The following DLG2 variants were observed in gnomAD, a reference collection of about 807,000 sequenced individuals.
DLG2 encodes discs large MAGUK scaffold protein 2, also known as disks large homolog 2.
DLG2 carries 45 observed loss-of-function variants against 132.5 expected under a neutral mutation model. The observed-to-expected ratio is 0.34, with a 90% CI of 0.27 to 0.44. The LOEUF (loss-of-function observed/expected upper bound fraction) is 0.44. DLG2 is among the 20% of genes least tolerant of loss of function. DLG2 has a pLI of 1.00. For synonymous variants in DLG2, 424 were observed against 419.6 expected, an observed-to-expected ratio of 1.01 and a Z score of -0.13; for missense variants, 1,045 against 1,196.9, an observed-to-expected ratio of 0.87 and a Z score of 1.87.
chr11:84,495,457 T>A (rs2099179436), intron 7 of DLG2, among the ~76,000 whole-genome samples: 1 of 152,122 alleles, frequency 6.6e-6, no homozygotes, highest in South Asian at 2.1e-4. Context: ...ACCTTCAAAT[T>A]TATAACATTT....
chr11:83,697,157 G>T (rs1216421218), intron 18 of DLG2, among the ~76,000 whole-genome samples: 1 of 152,138 alleles, frequency 6.6e-6, no homozygotes, highest in East Asian at 1.9e-4. Context: ...TAGAAGTTTG[G>T]TTCTACTTTT....
intron 3 of DLG2, among the ~76,000 whole-genome samples, chr11:85,483,824 A>G (rs1162359093): frequency 6.6e-6 from 1 of 151,394 alleles, no homozygotes; most frequent in Admixed American, 6.6e-5. Context: ...GGCACCTGTA[A>G]TCCCAGCTAC....
At chr11:84,739,766 A>T (rs1283255660) in intron 6 of DLG2, among the ~76,000 whole-genome samples, 1 of 152,204 alleles carries the variant, frequency 6.6e-6, no homozygotes, top group Non-Finnish European at 1.5e-5. Flanking sequence ...TAGCCATTTT[A>T]CATAAAGCAG....
chr11:85,548,654 G>A (rs2076476585), intron 3 of DLG2, among the ~76,000 whole-genome samples: 1 of 152,206 alleles, frequency 6.6e-6, no homozygotes, highest in South Asian at 2.1e-4. Context: ...GTCCCTGACT[G>A]GGGCTGTGCC....
chr11:83,687,511 C>G (rs1372183633), intron 18 of DLG2, among the ~76,000 whole-genome samples: 2 of 152,084 alleles, frequency 1.3e-5, no homozygotes, highest in Non-Finnish European at 2.9e-5. Context: ...CTAAAATGAC[C>G]TTCTTTTATT....
chr11:83,831,532 C>CAGAGAGAGAGAGAGAGAGAGAGAA (rs2054516215), intron 17 of DLG2, among the ~76,000 whole-genome samples: 1 of 146,706 alleles, frequency 6.8e-6, no homozygotes, highest in Non-Finnish European at 1.5e-5. Context: ...GTGTGTATGT[C>CAGAGAGAGAGAGAGAGAGAGAGAA]AGAGAGAGAG....
chr11:84,528,897 G>A (rs544736621), intron 7 of DLG2, among the ~76,000 whole-genome samples: 1 of 152,282 alleles, frequency 6.6e-6, no homozygotes, highest in East Asian at 1.9e-4. Flanking sequence ...GCTAGTGCTT[G>A]AATCTGATAT....
At chr11:84,005,841 G>A (rs2094549188) in intron 11 of DLG2, among the ~76,000 whole-genome samples, 1 of 151,808 alleles carries the variant, frequency 6.6e-6, no homozygotes, top group Non-Finnish European at 1.5e-5. Context: ...ACAAGGACAT[G>A]GAGACAAAGG....
chr11:85,491,329 G>C (rs1191975783), intron 3 of DLG2, among the ~76,000 whole-genome samples: 1 of 152,068 alleles, frequency 6.6e-6, no homozygotes, highest in African/African-American at 2.4e-5. Context: ...ATAGGAAAAA[G>C]ATGAAAGCAT....
chr11:84,182,208 A>G (rs1471205499), intron 8 of DLG2, among the ~76,000 whole-genome samples: 1 of 152,326 alleles, frequency 6.6e-6, no homozygotes, highest in South Asian at 2.1e-4. Context: ...ACTAGAAATC[A>G]ATAATGGAAA....
At chr11:85,021,346 T>C in intron 6 of DLG2, 3 of 1,288,960 alleles carry the variant, frequency 2.3e-6, no homozygotes, top group East Asian at 4.6e-5. Context: ...GCCATACATC[T>C]GTGCTGCAGA....
chr11:84,763,602 G>A (rs894987835), intron 6 of DLG2, among the ~76,000 whole-genome samples: 2 of 151,928 alleles, frequency 1.3e-5, no homozygotes, highest in African/African-American at 4.8e-5. Flanking sequence ...TCTATCTGGG[G>A]TCACATAAAC....
chr11:83,699,899 A>G (rs1175446433), intron 18 of DLG2, among the ~76,000 whole-genome samples: 1 of 149,516 alleles, frequency 6.7e-6, no homozygotes. Flanking sequence ...GTATGTATGT[A>G]TGTATGTATC....
At chr11:84,813,790 T>C (rs1367684033) in intron 6 of DLG2, among the ~76,000 whole-genome samples, 1 of 152,016 alleles carries the variant, frequency 6.6e-6, no homozygotes, top group African/African-American at 2.4e-5. Flanking sequence ...GCTTCTCTAA[T>C]GGTGATTACA....
chr11:83,554,713 C>T (rs1173574526), intron 19 of DLG2, among the ~76,000 whole-genome samples: 2 of 152,126 alleles, frequency 1.3e-5, no homozygotes, highest in East Asian at 3.9e-4. Context: ...GAAGATGTTC[C>T]ATTGGGCTGG....
At chr11:84,095,982 A>G (rs1241691348) in intron 10 of DLG2, among the ~76,000 whole-genome samples, 2 of 152,204 alleles carry the variant, frequency 1.3e-5, no homozygotes, top group Non-Finnish European at 2.9e-5. Flanking sequence ...TTGTGGCTCA[A>G]TAGAAAAACA....
intron 6 of DLG2, among the ~76,000 whole-genome samples, chr11:84,677,743 A>G (rs2099717338): frequency 6.6e-6 from 1 of 151,982 alleles, no homozygotes; most frequent in South Asian, 2.1e-4. Context: ...AATAATAAAA[A>G]TTAGCTGGGT....
intron 19 of DLG2, among the ~76,000 whole-genome samples, chr11:83,613,127 C>A (rs2060343406): frequency 6.6e-6 from 1 of 152,136 alleles, no homozygotes; most frequent in Non-Finnish European, 1.5e-5. Context: ...CATGGGTAAA[C>A]AAGAACACAG....
At chr11:85,148,516 T>C (rs2077008305) in intron 5 of DLG2, among the ~76,000 whole-genome samples, 1 of 152,224 alleles carries the variant, frequency 6.6e-6, no homozygotes, top group Non-Finnish European at 1.5e-5. Flanking sequence ...ATGTTGAGCT[T>C]TAATTCATAT....
Sources: gnomAD v4.1 joint callset for allele counts (sites outside exome capture counted in the v4.1 genomes callset) on GRCh38, gnomAD v4.1.1 for gene constraint, MANE v1.5 for transcripts, NCBI Gene and HGNC (gene_info 2026-07-23, HGNC 2026-07-21) for gene names.